The following ADCY9 variants were observed in gnomAD, a reference collection of about 807,000 sequenced individuals.
ADCY9 encodes adenylate cyclase type 9.
Under a neutral mutation model 101.5 loss-of-function variants are expected in ADCY9, and 50 were observed. The ratio of observed to expected loss-of-function variants is 0.49; its 90% confidence interval spans 0.39 to 0.62. ADCY9 has a LOEUF of 0.62. Among genes scored for constraint, ADCY9 ranks in the 20% least tolerant of loss-of-function variants. ADCY9 has a pLI of 0.00. For synonymous variants in ADCY9, 905 were observed against 769.3 expected (o/e 1.18, Z -2.92); for missense variants, 1,662 against 1,800.4 (o/e 0.92, Z 1.39).
chr16:4,097,554 T>TATATATATATATATATATATATACA (rs1491239469), intron 2 of ADCY9, among the ~76,000 whole-genome samples: 1 of 24,158 alleles, frequency 4.1e-5, no homozygotes, highest in African/African-American at 2.5e-4. Flanking sequence ...TATATATATA[T>TATATATATATATATATATATATACA]TTTTTTTTTT....
chr16:4,024,539 A>G (rs1006970677), intron 2 of ADCY9, among the ~76,000 whole-genome samples: 1 of 152,080 alleles, frequency 6.6e-6, no homozygotes, highest in African/African-American at 2.4e-5. Flanking sequence ...ATGTTCCAGG[A>G]TCCCATCCAG....
chr16:4,067,392 C>G (rs1169977356), intron 2 of ADCY9, among the ~76,000 whole-genome samples: 1 of 152,204 alleles, frequency 6.6e-6, no homozygotes, highest in African/African-American at 2.4e-5. Flanking sequence ...GTTGGCTGAG[C>G]AAGTTCCTTC....
intron 5 of ADCY9, among the ~76,000 whole-genome samples, chr16:3,991,131 A>T (rs2056240551): frequency 6.6e-6 from 1 of 152,212 alleles, no homozygotes; most frequent in Admixed American, 6.5e-5. Context: ...TATAGTGAAG[A>T]CAGAGGCAAG....
intron 9 of ADCY9, among the ~76,000 whole-genome samples, chr16:3,976,764 TCTC>T (rs1251770307): frequency 6.6e-6 from 1 of 152,172 alleles, no homozygotes; most frequent in Non-Finnish European, 1.5e-5. Flanking sequence ...TACAAGCGGT[TCTC>T]CTACCTCAGC....
At chr16:3,987,991 G>T (rs1236134315) in intron 6 of ADCY9, among the ~76,000 whole-genome samples, 1 of 147,508 alleles carries the variant, frequency 6.8e-6, no homozygotes, top group African/African-American at 2.7e-5. Flanking sequence ...AGGCTGTGAG[G>T]AGGGGCTGGA....
intron 6 of ADCY9, among the ~76,000 whole-genome samples, chr16:3,984,612 G>A (rs1051542885): frequency 6.6e-6 from 1 of 152,224 alleles, no homozygotes; most frequent in Non-Finnish European, 1.5e-5. Flanking sequence ...GCCAGGACTT[G>A]GCATGGACCG....
chr16:4,065,314 C>A (rs984353423), intron 2 of ADCY9, among the ~76,000 whole-genome samples: 3 of 152,206 alleles, frequency 2.0e-5, no homozygotes, highest in Non-Finnish European at 2.9e-5. Flanking sequence ...CCAAACTGCA[C>A]CCTTCTAACG....
intron 2 of ADCY9, among the ~76,000 whole-genome samples, chr16:4,039,150 T>C (rs1414376539): frequency 6.6e-6 from 1 of 152,126 alleles, no homozygotes; most frequent in Non-Finnish European, 1.5e-5. Context: ...GAGCAGAGAC[T>C]CTAACGTGGC....
intron 2 of ADCY9, among the ~76,000 whole-genome samples, chr16:4,045,988 T>A (rs12920928): frequency 0.14 from 21,815 of 150,676 alleles, 1,922 homozygotes; most frequent in African/African-American, 0.24. Flanking sequence ...GGGACTACAG[T>A]TGCATACCAC....
At chr16:3,956,005 T>G (rs2055904508) in intron 5 of ADCY9, among the ~76,000 whole-genome samples, 1 of 152,010 alleles carries the variant, frequency 6.6e-6, no homozygotes, top group African/African-American at 2.4e-5. Context: ...TGGGATCATA[T>G]GTGTACACCA....
chr16:4,116,051 G>T lies in ADCY9; in HGVS notation c.-405C>A, dbSNP rs897752393. 8 of 145,390 alleles carry T rather than the reference G, an allele frequency of 5.5e-5. No homozygotes were observed. The highest frequency in any genetic ancestry group is 1.2e-4 in the Non-Finnish European group (8 of 65,554). 9.0% of individuals were successfully genotyped at this position (145,390 alleles called of 1,614,324 possible). ...GCTCCCCGGCCGCCCCCCGCGCTCC[G>T]GGCCGGCCCTGCCCGCGGCGGCGGG... On this transcript the variant is annotated 5_prime_UTR_variant, in exon 1 of 11. Coordinates refer to ENST00000294016, the MANE Select transcript of ADCY9 (RefSeq NM_001116.4).
At chr16:3,989,192 G>T (rs972830072) in intron 5 of ADCY9, 96 bp from the exon 6 acceptor site, 1 of 890,140 alleles carries the variant, frequency 1.1e-6, no homozygotes, top group East Asian at 2.5e-5. Context: ...CTGCTCATTA[G>T]GTATATTACA....
intron 2 of ADCY9, among the ~76,000 whole-genome samples, chr16:4,108,032 C>G (rs577008346): frequency 6.6e-6 from 1 of 152,302 alleles, no homozygotes; most frequent in African/African-American, 2.4e-5. Flanking sequence ...TTTTTAATTT[C>G]TGCATCTGAC....
chr16:4,113,489 G>C (rs1056962595), intron 2 of ADCY9, among the ~76,000 whole-genome samples: 14 of 152,156 alleles, frequency 9.2e-5, no homozygotes, highest in South Asian at 2.1e-4. Flanking sequence ...CCAACCAGTG[G>C]TTATGCACGT....
At chr16:3,981,910 G>A (rs1170996227) in intron 7 of ADCY9, 1 of 152,240 alleles carries the variant, frequency 6.6e-6, no homozygotes, top group Non-Finnish European at 1.5e-5. Flanking sequence ...GCCTAAAGCT[G>A]ATCTTTTTAA....
intron 2 of ADCY9, among the ~76,000 whole-genome samples, chr16:4,108,299 G>C (rs567968297): frequency 6.7e-6 from 1 of 150,364 alleles, no homozygotes; most frequent in African/African-American, 2.4e-5. Flanking sequence ...GTTCCCTCAG[G>C]CCTAGCGGTT....
intron 2 of ADCY9, among the ~76,000 whole-genome samples, chr16:4,102,630 G>C (rs1406665613): frequency 6.6e-6 from 1 of 152,104 alleles, no homozygotes; most frequent in African/African-American, 2.4e-5. Flanking sequence ...TCTCCATGTT[G>C]GTCAGGCTGG....
chr16:3,974,928 C>T (rs927288797), intron 9 of ADCY9, among the ~76,000 whole-genome samples: 3 of 152,144 alleles, frequency 2.0e-5, no homozygotes, highest in Admixed American at 6.6e-5. Context: ...TTTACCATCC[C>T]GCATCCTCTC....
At chr16:4,038,707 T>G (rs1475464437) in intron 2 of ADCY9, among the ~76,000 whole-genome samples, 1 of 151,908 alleles carries the variant, frequency 6.6e-6, no homozygotes, top group Admixed American at 6.6e-5. Context: ...CTCTCCTCTC[T>G]TCTCTCGGGG....
Sources: gnomAD v4.1 joint callset for allele counts (sites outside exome capture counted in the v4.1 genomes callset) on GRCh38, gnomAD v4.1.1 for gene constraint, MANE v1.5 for transcripts, NCBI Gene and HGNC (gene_info 2026-07-23, HGNC 2026-07-21) for gene names.